Variants in ZNF682 observed in about 807,000 individuals in gnomAD.
ZNF682 encodes the protein zinc finger protein 682.
ZNF682 carries 29 observed loss-of-function variants against 36.5 expected under a neutral mutation model. The observed-to-expected ratio is 0.80, with a 90% CI of 0.59 to 1.08. ZNF682 has a LOEUF of 1.08. Among genes scored for constraint, ZNF682 ranks in the 50% least tolerant of loss-of-function variants. The pLI is 0.00. For synonymous variants in ZNF682, 180 were observed against 197.0 expected, an observed-to-expected ratio of 0.91 and a Z score of 0.72; for missense variants, 561 against 579.7, an observed-to-expected ratio of 0.97 and a Z score of 0.33.
rs889590479 is a variant in ZNF682, at chr19:20,025,501, C to T, written c.4-1125G>A. On this transcript the variant is annotated intron_variant, in intron 1 of 3. Transcript: ENST00000397165. ...GGCCATCCTGGCTAACATGGTGAAACTCCATCTTTACTAAAAATACAAAAA... is the reference window on the plus strand; with the variant it reads ...GGCCATCCTGGCTAACATGGTGAAATTCCATCTTTACTAAAAATACAAAAA... 3.3e-5 allele frequency among the ~76,000 whole-genome samples: 5 copies of T among 151,484 alleles called. No homozygotes were observed. In the East Asian group the frequency reaches 9.8e-4, roughly 30 times the overall value.
downstream of ZNF682, among the ~76,000 whole-genome samples, chr19:20,003,111 C>A (rs527627601): frequency 1.1e-3 from 158 of 140,908 alleles, 2 homozygotes; most frequent in African/African-American, 3.0e-3. Flanking sequence ...GAATGGCGTG[C>A]ACCCGGGAGG....
intron 3 of ZNF682, among the ~76,000 whole-genome samples, chr19:20,019,245 C>A (rs1568542474): frequency 6.6e-6 from 1 of 151,498 alleles, no homozygotes; most frequent in African/African-American, 2.4e-5. Context: ...ACCACCCCCC[C>A]AAAAAAAAGT....
exon 4 of ZNF682, chr19:19,997,068 G>GAAA: frequency 9.2e-6 from 3 of 326,152 alleles, no homozygotes; most frequent in Admixed American, 5.1e-5. Context: ...ATAAGACAAG[G>GAAA]AAAAAAAAAA....
chr19:20,023,619 G>A (rs572316962), intron 2 of ZNF682, among the ~76,000 whole-genome samples: 2 of 152,210 alleles, frequency 1.3e-5, no homozygotes, highest in South Asian at 4.2e-4. Context: ...AAAATTGGTG[G>A]TAGAAGTTGG....
intron 3 of ZNF682, among the ~76,000 whole-genome samples, chr19:20,011,405 G>A (rs1164256346): frequency 6.6e-6 from 1 of 152,150 alleles, no homozygotes; most frequent in Non-Finnish European, 1.5e-5. Context: ...TAGCATTACA[G>A]ATCATCAAGG....
chr19:20,011,660 T>C (rs1429733987), intron 3 of ZNF682, among the ~76,000 whole-genome samples: 1 of 152,114 alleles, frequency 6.6e-6, no homozygotes, highest in Non-Finnish European at 1.5e-5. Flanking sequence ...TACACAAATA[T>C]AGAAAATTAA....
At chr19:20,010,238 A>G (rs1019921589) in intron 3 of ZNF682, among the ~76,000 whole-genome samples, 16 of 152,192 alleles carry the variant, frequency 1.1e-4, no homozygotes, top group African/African-American at 1.9e-4. Flanking sequence ...AAAAACACAC[A>G]TAAGTACATA....
In ZNF682 at chr19:20,006,133, C is replaced by A. The variant is rs1459841991; in HGVS notation, c.1369G>T (p.Glu457Ter). 5.0e-6 allele frequency: 8 copies of A among 1,613,120 alleles called. No homozygotes were observed. The highest frequency in any genetic ancestry group is 1.1e-5 in the South Asian group (1 of 91,058). Residue 457 changes from glutamate (E) to a stop codon, truncating the protein, a stop_gained, in exon 4 of 4, where the codon GAA (glutamate) becomes TAA (stop). Transcript: ENST00000397165. LOFTEE classifies it high-confidence loss of function. ...CACCGTTTAAAAGCTTTGCCACATT[C>A]TTCACATTTATAGCGTTTGACGGCA... ...HTAVKRYKCE[E>*]CGKAFKRCSH...
chr19:20,023,000 C>G lies in ZNF682; in HGVS notation c.226+4G>C. 2 of 1,612,408 alleles carry G rather than the reference C, an allele frequency of 1.2e-6. No individual in the cohort carries two copies. Among genetic ancestry groups the G allele is most frequent in the Non-Finnish European group, 8.5e-7 (1 of 1,178,988 alleles). On this transcript the variant is annotated splice_donor_region_variant and intron_variant, in intron 3 of 3. Transcript: ENST00000397165. ...GTGGCATGTGTTTCATTCATCCAAC[C>G]TACCTGGGGGTTTGGCTATGGTCTC...
At chr19:20,035,997 A>G (rs1056422862) in intron 1 of ZNF682, among the ~76,000 whole-genome samples, 3 of 152,160 alleles carry the variant, frequency 2.0e-5, no homozygotes, top group African/African-American at 7.2e-5. Flanking sequence ...CAGCCTCCCA[A>G]AGTGCTGGGA....
At chr19:20,030,867 C>T (rs2088473648) in intron 1 of ZNF682, 1 of 152,140 alleles carries the variant, frequency 6.6e-6, no homozygotes, top group African/African-American at 2.4e-5. Context: ...CAAGTGAAAA[C>T]TGGAACAACT....
At chr19:20,025,687 A>G (rs1042762963) in intron 1 of ZNF682, among the ~76,000 whole-genome samples, 51 of 132,104 alleles carry the variant, frequency 3.9e-4, no homozygotes, top group Non-Finnish European at 2.7e-4. Flanking sequence ...AAAAAAAAAG[A>G]AAAAAAAAAA....
At chr19:20,038,706 A>T (rs2088556230) in intron 1 of ZNF682, among the ~76,000 whole-genome samples, 1 of 152,184 alleles carries the variant, frequency 6.6e-6, no homozygotes, top group Admixed American at 6.5e-5. Context: ...AAGCAACCAC[A>T]AACCTTCAAT....
At chr19:19,999,058 AG>A (rs2088145934) in intron 3 of ZNF682, among the ~76,000 whole-genome samples, 1 of 152,090 alleles carries the variant, frequency 6.6e-6, no homozygotes, top group African/African-American at 2.4e-5. Flanking sequence ...AAGATACCCC[AG>A]GGGGCTCTCT....
At chr19:20,038,525 A>G (rs1285038842) in intron 1 of ZNF682, among the ~76,000 whole-genome samples, 1 of 152,056 alleles carries the variant, frequency 6.6e-6, no homozygotes, top group Admixed American at 6.6e-5. Context: ...CACATTTGGA[A>G]AATCCAAGAG....
chr19:20,003,019 T>A (rs577064964), downstream of ZNF682, among the ~76,000 whole-genome samples: 1 of 150,494 alleles, frequency 6.6e-6, no homozygotes, highest in Non-Finnish European at 1.5e-5. Context: ...TGAAACCCCG[T>A]CTCTACTAAA....
intron 1 of ZNF682, chr19:20,033,352 G>C (rs1443020329): frequency 6.6e-6 from 1 of 152,268 alleles, no homozygotes; most frequent in African/African-American, 2.4e-5. Context: ...TCCTGACTCA[G>C]AGTACTGGGC....
chr19:19,998,262 C>T (rs1292426160), intron 3 of ZNF682, among the ~76,000 whole-genome samples: 2 of 152,142 alleles, frequency 1.3e-5, no homozygotes, highest in South Asian at 2.1e-4. Context: ...GACCCAAATG[C>T]CTCACTGAGA....
chr19:20,016,448 T>C (rs934991265), intron 3 of ZNF682, among the ~76,000 whole-genome samples: 4 of 151,720 alleles, frequency 2.6e-5, no homozygotes, highest in Non-Finnish European at 5.9e-5. Flanking sequence ...CTAAACAGAA[T>C]CAAGAAAATA....
Sources: allele counts gnomAD v4.1 joint callset (sites outside exome capture counted in the v4.1 genomes callset), GRCh38; gene constraint gnomAD v4.1.1; transcripts MANE v1.5; gene names NCBI Gene and HGNC (gene_info 2026-07-23, HGNC 2026-07-21).